CHD4: variants seen among roughly 807,000 people sequenced by gnomAD.
CHD4 encodes ATP-dependent chromatin remodeler CHD4.
CHD4 carries 35 observed loss-of-function variants against 235.5 expected under a neutral mutation model. The ratio of observed to expected loss-of-function variants is 0.15; its 90% CI spans 0.11 to 0.20. CHD4 has a LOEUF of 0.20. CHD4 is among the 10% of genes least tolerant of loss of function. CHD4 has a pLI of 1.00. For missense variants in CHD4, 1,329 were observed against 2,432.3 expected (o/e 0.55, Z 9.54); for synonymous variants, 900 against 850.2 (o/e 1.06, Z -1.02).
chr12:6,580,714 A>AAAAAAAAAACAAAC (rs1948168454), intron 33 of CHD4: 2 of 229,188 alleles, frequency 8.7e-6, no homozygotes, highest in Non-Finnish European at 8.1e-6. Context: ...GAAAAAAAAA[A>AAAAAAAAAACAAAC]AAAAAAAAAA....
At position 6,592,070 on chromosome 12, in the gene CHD4, G is replaced by A. The variant is rs796226475; in HGVS notation, c.2949-13C>T. ...CTTGTAGTATTTCCTACATGGGCAA[G>A]GTAGAAAGACAGGTTAGACTTGAGA... On this transcript the variant is annotated splice_polypyrimidine_tract_variant and intron_variant, in intron 19 of 39. Coordinates refer to ENST00000544040, the MANE Select transcript of CHD4 (RefSeq NM_001273.5). 6.2e-7 allele frequency: 1 copy of A among 1,614,000 alleles called. No individual in the cohort carries two copies. Among genetic ancestry groups the A allele is most frequent in the South Asian group, 1.1e-5 (1 of 91,082 alleles).
rs779762991 is a variant in CHD4, at chr12:6,593,632, G to A, written c.2314-16C>T. On this transcript the variant is annotated splice_polypyrimidine_tract_variant and intron_variant, in intron 15 of 39. Coordinates refer to ENST00000544040, the MANE Select transcript of CHD4 (RefSeq NM_001273.5). The surrounding 1 kb of genome is among the most constrained non-coding windows in gnomAD (Gnocchi z 4.9). ...TGGAATGACCCTTTGAGAAAAAAGA[G>A]GAGAGTCAGGACTGAGGGCCCCAGC... is the stretch of plus-strand genomic sequence containing the variant. The A allele has an allele frequency of 5.0e-6, 8 of 1,613,096 alleles. No homozygotes were observed. Among genetic ancestry groups the A allele is most frequent in the Admixed American group, 1.7e-5 (1 of 59,978 alleles).
intron 22 of CHD4, among the ~76,000 whole-genome samples, chr12:6,589,628 G>A (rs538079870): frequency 5.3e-5 from 8 of 151,662 alleles, no homozygotes; most frequent in East Asian, 1.9e-4. Flanking sequence ...TTAGCCGGGC[G>A]TGGTGGCGGG....
At chr12:6,571,217 T>C in intron 38 of CHD4, 185 bp from the exon 39 acceptor site, 2 of 658,210 alleles carry the variant, frequency 3.0e-6, no homozygotes, top group South Asian at 4.2e-5. Context: ...CAACTGTCCA[T>C]GATTTTGTGC....
At chr12:6,578,648 C>A (rs1948115330) in intron 34 of CHD4, 102 bp from the exon 35 acceptor site, 1 of 1,551,664 alleles carries the variant, frequency 6.4e-7, no homozygotes, top group African/African-American at 1.4e-5. Flanking sequence ...CACCTACACC[C>A]CTTCTCCACC....
At chr12:6,601,217 G>C in intron 6 of CHD4, 72 bp downstream of exon 6, 1 of 1,578,718 alleles carries the variant, frequency 6.3e-7, no homozygotes. Context: ...TGACAGACCA[G>C]CATTCCCATG....
intron 34 of CHD4, 87 bp downstream of exon 34, chr12:6,578,759 G>T: frequency 7.0e-7 from 1 of 1,419,714 alleles, no homozygotes; most frequent in Non-Finnish European, 9.9e-7. Context: ...GGCTAGATGA[G>T]TATGGACAGG....
chr12:6,605,613 G>A (rs1003537992), intron 2 of CHD4, among the ~76,000 whole-genome samples: 1 of 152,078 alleles, frequency 6.6e-6, no homozygotes, highest in African/African-American at 2.4e-5. Flanking sequence ...CACTCACCAG[G>A]AGGAGGAGTG....
intron 30 of CHD4, 21 bp from the exon 31 acceptor site, chr12:6,581,835 G>A (rs750139114): frequency 3.3e-6 from 5 of 1,504,722 alleles, no homozygotes; most frequent in Non-Finnish European, 4.4e-6. Flanking sequence ...GGGACAAGAA[G>A]TTGAAGACCC....
rs144216235 is a variant in CHD4 at position 6,578,913 on chromosome 12, A to G, written c.4914T>C (p.Ala1638=). Residue 1638 remains alanine (A), a synonymous_variant, in exon 34 of 40, where the codon GCT becomes GCC. Coordinates refer to ENST00000544040, the MANE Select transcript of CHD4 (RefSeq NM_001273.5). ...TTTCCTCCACCTTCTCTACATCAGC[A>G]GCACCTAGGGGAAGAAATGTTATTG... ...EEPMETEPKG[A]ADVEKVEEKS... 24 of 1,614,102 alleles carry G rather than the reference A, an allele frequency of 1.5e-5. No individual in the cohort carries two copies. The African/African-American group carries it at 3.1e-4, about 21-fold the overall frequency.
Position 6,593,768 on chromosome 12 carries a change from C to T in CHD4, c.2314-152G>A. On this transcript the variant is annotated intron_variant, in intron 15 of 39. Coordinates refer to ENST00000544040, the MANE Select transcript of CHD4 (RefSeq NM_001273.5). This position sits in a 1 kb window ranked among gnomAD's most constrained non-coding sequence, Gnocchi z 4.9. ...TCTCACCTTCCTCTATACAAGTGCC[C>T]AGCCCACTCCTTTCCAAAAACCCAA... 1.5e-6 allele frequency: 1 copy of T among 661,022 alleles called. No individual in the cohort carries two copies. Among genetic ancestry groups the T allele is most frequent in the Non-Finnish European group, 2.6e-6 (1 of 389,738 alleles). 40.9% of individuals were successfully genotyped at this position (661,022 alleles called of 1,614,324 possible). A position where few individuals can be genotyped will look rare whatever the true frequency, so the allele number is the denominator to read the frequency against.
In CHD4 at chr12:6,600,592, G is replaced by A. The variant is rs1249278396; in HGVS notation, c.1005C>T (p.Ser335=). ...SINSYSVSDG[S]TSRSSRSRKK... is the part of the protein sequence containing the mutation. Reference sequence around the variant, plus strand: ...TGCGGCTGCGGCTACTACGGCTGGTGGAACCATCAGAAACAGAATAGCTAT... The same window carrying A: ...TGCGGCTGCGGCTACTACGGCTGGTAGAACCATCAGAAACAGAATAGCTAT... Residue 335 remains serine, a synonymous_variant, in exon 8 of 40, where the codon TCC becomes TCT. Coordinates refer to ENST00000544040, the MANE Select transcript of CHD4 (RefSeq NM_001273.5). The A allele has an allele frequency of 6.8e-6, 11 of 1,613,900 alleles. No individual in the cohort carries two copies. Among genetic ancestry groups the A allele is most frequent in the East Asian group, 2.2e-5 (1 of 44,896 alleles).
In CHD4 at chr12:6,599,764, G is replaced by A. The variant is rs748311291; in HGVS notation, c.1482+9C>T. 14 of 1,614,182 alleles carry A rather than the reference G, an allele frequency of 8.7e-6. No individual in the cohort carries two copies. Among genetic ancestry groups the A allele is most frequent in the Non-Finnish European group, 1.0e-5 (12 of 1,180,028 alleles). On this transcript the variant is annotated intron_variant, in intron 10 of 39. Transcript: ENST00000544040. ...CCATTTTTTGCCCCGGCTGAGATCA[G>A]TCACTCACCGTACAACGGGGACAGA...
Position 6,601,769 on chromosome 12 carries a change from GC to G in CHD4, c.439-4del, listed in dbSNP as rs1565618778. 6.2e-7 allele frequency: 1 copy of G among 1,612,794 alleles called. No homozygotes were observed. The highest frequency in any genetic ancestry group is 1.7e-5 in the Admixed American group (1 of 59,988). On this transcript the variant is annotated splice_polypyrimidine_tract_variant and splice_region_variant and intron_variant, in intron 4 of 39. Transcript: ENST00000544040. Reference sequence around the variant, plus strand: ...AGCTGAGCAGATGATTTAGGCTCCTGCAGAAAGAGCAAAGTCAAGTAAGTAC... The same window carrying G: ...AGCTGAGCAGATGATTTAGGCTCCTGAGAAAGAGCAAAGTCAAGTAAGTAC...
rs1181692352 is a variant in CHD4, at chr12:6,581,721, A to G, written c.4609T>C (p.Ser1537Pro). Residue 1537 changes from serine to proline, a missense_variant, in exon 31 of 40, where the codon TCC becomes CCC. This residue lies in a region of CHD4 where 219 missense variants were observed against 219.3 expected (regional missense o/e 1.00). Coordinates refer to ENST00000544040, the MANE Select transcript of CHD4 (RefSeq NM_001273.5). ...NKKMSQPGSP[S>P]PKTPTPSTPG... ...GTGGAGGGTGTAGGAGTTTTTGGGG[A>G]GGGTGACCCTGGCTGGGACATCTTC... is the stretch of plus-strand genomic sequence containing the variant. 6.2e-7 allele frequency: 1 copy of G among 1,606,642 alleles called. No homozygotes were observed. Among genetic ancestry groups the G allele is most frequent in the South Asian group, 1.1e-5 (1 of 90,036 alleles).
Position 6,606,281 on chromosome 12 carries a change from G to A in CHD4, c.93C>T (p.Pro31=), listed in dbSNP as rs774088519. 2.7e-5 allele frequency: 42 copies of A among 1,574,736 alleles called. 1 individual carries two copies. Among genetic ancestry groups the A allele is most frequent in the South Asian group, 1.6e-4 (14 of 88,634 alleles). Reference sequence around the variant, plus strand: ...CCTTGGGGAAGATGTTACCTGGGTGGGGTGGGGGCAGGCTGTTGTTCAAAA... The same window carrying A: ...CCTTGGGGAAGATGTTACCTGGGTGAGGTGGGGGCAGGCTGTTGTTCAAAA... ...DALLNNSLPP[P]HPENEEDPEE... Residue 31 remains proline, a synonymous_variant, in exon 2 of 40, where the codon CCC becomes CCT. Coordinates refer to ENST00000544040, the MANE Select transcript of CHD4 (RefSeq NM_001273.5).
At chr12:6,601,857 T>A in intron 4 of CHD4, 91 bp from the exon 5 acceptor site, 1 of 1,562,796 alleles carries the variant, frequency 6.4e-7, no homozygotes, top group Non-Finnish European at 8.8e-7. Flanking sequence ...GTAACAGAGT[T>A]AAGAGGAAAA....
chr12:6,581,932 A>G, intron 30 of CHD4, 118 bp from the exon 31 acceptor site: 1 of 1,301,826 alleles, frequency 7.7e-7, no homozygotes, highest in South Asian at 1.6e-5. Context: ...CCTTCTGAGT[A>G]GCTGGGAATA....
chr12:6,595,516 A>C, intron 13 of CHD4, 86 bp from the exon 14 acceptor site: 1 of 1,172,996 alleles, frequency 8.5e-7, no homozygotes, highest in Admixed American at 1.9e-5. Flanking sequence ...TCACACCTGT[A>C]ATCCCAGCAT....
Sources: allele counts gnomAD v4.1 joint callset (sites outside exome capture counted in the v4.1 genomes callset), GRCh38; gene constraint gnomAD v4.1.1; regional missense constraint gnomAD v4.1.1; non-coding constraint Gnocchi (gnomAD v3.1); transcripts MANE v1.5; gene names NCBI Gene and HGNC (gene_info 2026-07-23, HGNC 2026-07-21).